Variants in CACNA1D observed in about 807,000 individuals in gnomAD.
CACNA1D encodes voltage-dependent L-type calcium channel subunit alpha-1D.
Under a neutral mutation model 257.1 loss-of-function variants are expected in CACNA1D, and 55 were observed. That is an observed-to-expected ratio of 0.21 (90% CI 0.17 to 0.27). The LOEUF (loss-of-function observed/expected upper bound fraction) is 0.27, where lower values mean the gene tolerates loss of function less well. Ranked by LOEUF, CACNA1D falls within the 10% of genes least tolerant of loss-of-function variation. The pLI, the probability that CACNA1D is intolerant of heterozygous loss-of-function variation, is 1.00. For missense variants in CACNA1D, 1,876 were observed against 2,784.0 expected, an observed-to-expected ratio of 0.67 and a Z score of 7.34; for synonymous variants, 980 against 1,014.9, an observed-to-expected ratio of 0.97 and a Z score of 0.65.
At chr3:53,805,258 T>G (rs916976820) in intron 45 of CACNA1D, 112 bp downstream of exon 45, 2 of 1,039,104 alleles carry the variant, frequency 1.9e-6, no homozygotes, top group East Asian at 4.8e-5. Context: ...TCAGGATCCT[T>G]AGTCCTCAAG....
chr3:53,747,163 G>A (rs2095177791), intron 25 of CACNA1D, 139 bp from the exon 26 acceptor site: 2 of 773,188 alleles, frequency 2.6e-6, no homozygotes, highest in Non-Finnish European at 4.7e-6. Flanking sequence ...CGGCGCCGGT[G>A]TTATGCTCAG....
chr3:53,513,020 G>T (rs764833394), intron 3 of CACNA1D, among the ~76,000 whole-genome samples: 2 of 152,210 alleles, frequency 1.3e-5, no homozygotes, highest in Non-Finnish European at 2.9e-5. Context: ...ATGTAGTAGG[G>T]CAGGAGAGAA....
chr3:53,712,553 G>A (rs750483727), intron 9 of CACNA1D, among the ~76,000 whole-genome samples: 1 of 152,196 alleles, frequency 6.6e-6, no homozygotes, highest in African/African-American at 2.4e-5. Flanking sequence ...TTTAGGGGGT[G>A]TGTGGGCTTC....
Position 53,755,910 on chromosome 3 carries a change from C to T in CACNA1D, c.3786+2228C>T, listed in dbSNP as rs555049837. 4.6e-5 allele frequency among the ~76,000 whole-genome samples: 7 copies of T among 152,222 alleles called. No individual in the cohort carries two copies. The South Asian group carries it at 1.5e-3, about 32-fold the overall frequency. On this transcript the variant is annotated intron_variant, in intron 29 of 47. Transcript: ENST00000350061. The stretch of plus-strand genomic sequence containing the variant: ...CCTCCCTCCTGGTCGGTGGGGTAGT[C>T]GGGCTGAAGAACAAGGTTGTCAAGG...
At chr3:53,593,133 C>G (rs1330541182) in intron 3 of CACNA1D, among the ~76,000 whole-genome samples, 1 of 152,154 alleles carries the variant, frequency 6.6e-6, no homozygotes. Flanking sequence ...AGGAACTGAA[C>G]CAGCTAGGAC....
rs184850850 is a variant in CACNA1D, at chr3:53,652,365, G to A, written c.623+1447G>A. On this transcript the variant is annotated intron_variant, in intron 4 of 47. Coordinates refer to ENST00000350061, the MANE Select transcript of CACNA1D (RefSeq NM_001128840.3). Reference sequence around the variant, plus strand: ...CATGGTGGTCTTATTGAGTTAAGGAGACAGACAAGAGTTTGGGGAGGCAGA... The same window carrying A: ...CATGGTGGTCTTATTGAGTTAAGGAAACAGACAAGAGTTTGGGGAGGCAGA... 1.7e-3 allele frequency among the ~76,000 whole-genome samples: 265 copies of A among 152,262 alleles called. 2 individuals are homozygous for A. Among genetic ancestry groups the A allele is most frequent in the Non-Finnish European group, 1.4e-3 (97 of 68,006 alleles).
chr3:53,744,722 T>C lies in CACNA1D; in HGVS notation c.2919-18T>C, dbSNP rs538372720. 1.0e-5 allele frequency: 15 copies of C among 1,460,822 alleles called. No homozygotes were observed. The highest frequency in any genetic ancestry group is 1.2e-5 in the Non-Finnish European group (12 of 1,039,828). The allele number at this position is 1,460,822 out of a possible 1,614,324, so 90.5% of individuals were successfully genotyped here. A position where few individuals can be genotyped will look rare whatever the true frequency, so the allele number is the denominator to read the frequency against. On this transcript the variant is annotated intron_variant, in intron 22 of 47. Transcript: ENST00000350061. The stretch of plus-strand genomic sequence containing the variant: ...TTTATAACACGCTCTGCCTGCCGTC[T>C]TTCTGCTCCTTCCCTAGATCCAGTG...
At chr3:53,547,210 G>A (rs1575822378) in intron 3 of CACNA1D, among the ~76,000 whole-genome samples, 1 of 152,080 alleles carries the variant, frequency 6.6e-6, no homozygotes, top group African/African-American at 2.4e-5. Flanking sequence ...AGGCATTAAG[G>A]CTCACTGGTT....
In CACNA1D at chr3:53,751,613, T is replaced by C. The variant is rs899931137; in HGVS notation, c.3517-136T>C. ...GTGCCAGCAGCAGGAAGGGGGTCAC[T>C]CGTAATCATTTTCACCATCGTCCAC... On this transcript the variant is annotated intron_variant, in intron 27 of 47. Coordinates refer to ENST00000350061, the MANE Select transcript of CACNA1D (RefSeq NM_001128840.3). The surrounding 1 kb of genome is among the most constrained non-coding windows in gnomAD (Gnocchi z 4.3). 2.3e-6 allele frequency: 2 copies of C among 880,506 alleles called. No homozygotes were observed. The highest frequency in any genetic ancestry group is 3.8e-6 in the Non-Finnish European group (2 of 529,782). 54.5% of individuals were successfully genotyped at this position (880,506 alleles called of 1,614,324 possible). A position where few individuals can be genotyped will look rare whatever the true frequency, so the allele number is the denominator to read the frequency against.
At chr3:53,710,560 T>A (rs909351764) in intron 9 of CACNA1D, 1 of 448,046 alleles carries the variant, frequency 2.2e-6, no homozygotes, top group South Asian at 1.6e-5. Flanking sequence ...GTGAAGTGCA[T>A]GTGCCGTGTG....
intron 30 of CACNA1D, among the ~76,000 whole-genome samples, chr3:53,764,134 A>G (rs927005223): frequency 5.9e-5 from 9 of 152,210 alleles, no homozygotes; most frequent in African/African-American, 1.9e-4. Flanking sequence ...TCTAAAGCCC[A>G]GACATGTAAA....
intron 3 of CACNA1D, among the ~76,000 whole-genome samples, chr3:53,644,317 G>A (rs956809760): frequency 6.6e-6 from 1 of 152,058 alleles, no homozygotes; most frequent in Non-Finnish European, 1.5e-5. Context: ...TTATTTTTTT[G>A]TGGTGAGAAA....
chr3:53,513,706 C>T (rs957613114), intron 3 of CACNA1D, among the ~76,000 whole-genome samples: 1 of 152,210 alleles, frequency 6.6e-6, no homozygotes, highest in African/African-American at 2.4e-5. Flanking sequence ...TAGGCTTTCA[C>T]ATTCACTCAT....
chr3:53,681,128 T>G (rs1015693119), intron 8 of CACNA1D, among the ~76,000 whole-genome samples: 6 of 152,340 alleles, frequency 3.9e-5, no homozygotes, highest in African/African-American at 1.4e-4. Context: ...GAATGAGGTG[T>G]TGGTTTTAAG....
chr3:53,606,914 G>A (rs368067568), intron 3 of CACNA1D, among the ~76,000 whole-genome samples: 3 of 152,170 alleles, frequency 2.0e-5, no homozygotes, highest in South Asian at 2.1e-4. Context: ...TTATATTCAC[G>A]TTTCATAAGT....
intron 8 of CACNA1D, among the ~76,000 whole-genome samples, chr3:53,692,886 T>C (rs951758281): frequency 1.2e-4 from 19 of 152,132 alleles, no homozygotes; most frequent in African/African-American, 4.3e-4. Flanking sequence ...AGAGAAACCC[T>C]GTCTACTAAA....
At chr3:53,561,407 G>C (rs755837020) in intron 3 of CACNA1D, among the ~76,000 whole-genome samples, 1 of 152,142 alleles carries the variant, frequency 6.6e-6, no homozygotes, top group African/African-American at 2.4e-5. Context: ...TAAAATAGGG[G>C]ATTGGATCCC....
chr3:53,688,186 T>C (rs572903584), intron 8 of CACNA1D, among the ~76,000 whole-genome samples: 2 of 152,324 alleles, frequency 1.3e-5, no homozygotes, highest in East Asian at 3.9e-4. Context: ...GAAGCTTCAG[T>C]CTCCACAGAC....
chr3:53,526,713 C>T (rs943465655), intron 3 of CACNA1D, among the ~76,000 whole-genome samples: 2 of 152,158 alleles, frequency 1.3e-5, no homozygotes, highest in South Asian at 2.1e-4. Flanking sequence ...TTTCTCCCCC[C>T]GGTTGTACAT....
Sources: allele counts gnomAD v4.1 joint callset (sites outside exome capture counted in the v4.1 genomes callset), GRCh38; gene constraint gnomAD v4.1.1; non-coding constraint Gnocchi (gnomAD v3.1); transcripts MANE v1.5; gene names NCBI Gene and HGNC (gene_info 2026-07-23, HGNC 2026-07-21).